Variants in CLASP1 observed in about 807,000 individuals in gnomAD.
CLASP1 encodes the protein cytoplasmic linker associated protein 1.
CLASP1 carries 38 observed loss-of-function variants against 192.3 expected under a neutral mutation model. The ratio of observed to expected loss-of-function variants is 0.20; its 90% confidence interval spans 0.15 to 0.26. The LOEUF is 0.26. CLASP1 is among the 10% of genes least tolerant of loss of function. The pLI, the probability that CLASP1 is intolerant of heterozygous loss-of-function variation, is 1.00. For missense variants in CLASP1, 1,433 were observed against 1,932.5 expected (o/e 0.74, Z 4.85); for synonymous variants, 691 against 712.8 (o/e 0.97, Z 0.49).
intron 30 of CLASP1, among the ~76,000 whole-genome samples, chr2:121,395,413 T>C (rs866220939): frequency 3.3e-5 from 5 of 152,318 alleles, no homozygotes; most frequent in Middle Eastern, 6.8e-3. Flanking sequence ...TTATCATTCA[T>C]TAATTCATTC....
At chr2:121,646,943 G>A (rs2073275260) in intron 1 of CLASP1, among the ~76,000 whole-genome samples, 1 of 151,574 alleles carries the variant, frequency 6.6e-6, no homozygotes, top group Non-Finnish European at 1.5e-5. Context: ...GGGAGGCTGA[G>A]GGAGGAGAAT....
chr2:121,469,874 G>C (rs769397751), exon 9 of CLASP1: 1 of 1,613,856 alleles, frequency 6.2e-7, no homozygotes, highest in Non-Finnish European at 8.5e-7. Flanking sequence ...ACGTTTCTCC[G>C]AGAACTTGGT....
intron 19 of CLASP1, among the ~76,000 whole-genome samples, chr2:121,436,504 A>G (rs6706217): frequency 0.25 from 37,768 of 150,196 alleles, 7,538 homozygotes; most frequent in African/African-American, 0.55. Flanking sequence ...TCCACCTCCC[A>G]GGTTCAAGCA....
chr2:121,474,897 G>C (rs1185441925), intron 8 of CLASP1, among the ~76,000 whole-genome samples: 1 of 152,116 alleles, frequency 6.6e-6, no homozygotes, highest in Non-Finnish European at 1.5e-5. Context: ...ACTAACTATA[G>C]GGATAGTGAG....
intron 8 of CLASP1, chr2:121,470,372 G>A (rs902903530): frequency 6.6e-6 from 3 of 456,162 alleles, no homozygotes; most frequent in African/African-American, 6.5e-5. Flanking sequence ...CTCTCAAGGT[G>A]CTAGGATGAC....
At chr2:121,339,903 C>G (rs990020983) in exon 40 of CLASP1, 1 of 152,162 alleles carries the variant, frequency 6.6e-6, no homozygotes, top group Non-Finnish European at 1.5e-5. Flanking sequence ...CATGTTAGAA[C>G]TGAACGGCTT....
At chr2:121,509,507 T>A (rs150499705) in intron 7 of CLASP1, among the ~76,000 whole-genome samples, 2 of 152,130 alleles carry the variant, frequency 1.3e-5, no homozygotes, top group Non-Finnish European at 2.9e-5. Flanking sequence ...TGGAACATTA[T>A]CCAGGAGTCC....
At chr2:121,538,492 A>C (rs1354347385) in intron 2 of CLASP1, among the ~76,000 whole-genome samples, 3 of 152,066 alleles carry the variant, frequency 2.0e-5, no homozygotes, top group Non-Finnish European at 4.4e-5. Flanking sequence ...TGCGTAAAAA[A>C]AAAATCTAGA....
chr2:121,457,746 G>A, exon 14 of CLASP1: 2 of 1,612,804 alleles, frequency 1.2e-6, no homozygotes, highest in African/African-American at 2.7e-5. Flanking sequence ...TTAACCTAGG[G>A]ATGTGTGTGT....
chr2:121,341,101 C>T (rs1357703264), intron 39 of CLASP1, among the ~76,000 whole-genome samples, 154 bp from the exon 41 acceptor site: 1 of 152,206 alleles, frequency 6.6e-6, no homozygotes, highest in African/African-American at 2.4e-5. Context: ...TGAGTGCCTG[C>T]TGCCCATCCA....
intron 37 of CLASP1, among the ~76,000 whole-genome samples, chr2:121,362,570 GAGA>G (rs1365786985): frequency 3.3e-5 from 5 of 152,236 alleles, no homozygotes; most frequent in Admixed American, 6.5e-5. Context: ...ATCTTGCAGA[GAGA>G]AGCACACTGA....
At chr2:121,376,971 T>TG (rs1250921583) in intron 34 of CLASP1, among the ~76,000 whole-genome samples, 1 of 152,214 alleles carries the variant, frequency 6.6e-6, no homozygotes, top group East Asian at 1.9e-4. Context: ...CATAGTGAGT[T>TG]GTATAATTAT....
intron 8 of CLASP1, among the ~76,000 whole-genome samples, chr2:121,478,751 CCACA>C (rs2092064549): frequency 1.4e-5 from 1 of 72,914 alleles, no homozygotes; most frequent in Non-Finnish European, 2.6e-5. Flanking sequence ...CCCACACACA[CCACA>C]CACACACCAC....
chr2:121,550,659 T>C (rs2057950286), intron 2 of CLASP1, among the ~76,000 whole-genome samples: 1 of 152,192 alleles, frequency 6.6e-6, no homozygotes. Context: ...AATTAATTCC[T>C]GGACACATAC....
intron 34 of CLASP1, among the ~76,000 whole-genome samples, chr2:121,370,346 CAG>C (rs2068370184): frequency 6.6e-6 from 1 of 152,032 alleles, no homozygotes; most frequent in South Asian, 2.1e-4. Flanking sequence ...TTTTTTGAGA[CAG>C]AGTTTCACTC....
intron 23 of CLASP1, among the ~76,000 whole-genome samples, chr2:121,416,212 C>T (rs1264764235): frequency 6.6e-6 from 1 of 152,172 alleles, no homozygotes; most frequent in Non-Finnish European, 1.5e-5. Flanking sequence ...GTCACATTCA[C>T]AAGTTAACAC....
At chr2:121,447,069 G>A (rs1204685222) in intron 19 of CLASP1, among the ~76,000 whole-genome samples, 1 of 152,172 alleles carries the variant, frequency 6.6e-6, no homozygotes. Context: ...AAGAGTTGAG[G>A]AAAGGACGTG....
intron 8 of CLASP1, among the ~76,000 whole-genome samples, chr2:121,501,841 T>C (rs2093764689): frequency 6.6e-6 from 1 of 152,180 alleles, no homozygotes; most frequent in South Asian, 2.1e-4. Flanking sequence ...AGGCTTGTAC[T>C]AGGAAGACAG....
chr2:121,348,796 A>C (rs2063801614), intron 37 of CLASP1, 78 bp from the exon 39 acceptor site: 5 of 1,300,722 alleles, frequency 3.8e-6, no homozygotes, highest in Non-Finnish European at 5.2e-6. Context: ...TTTTGATTTC[A>C]GAGGCCAAAG....
Sources: gnomAD v4.1 joint callset for allele counts (sites outside exome capture counted in the v4.1 genomes callset) on GRCh38, gnomAD v4.1.1 for gene constraint, MANE v1.5 for transcripts, NCBI Gene and HGNC (gene_info 2026-07-23, HGNC 2026-07-21) for gene names.